Variants in CNTN5 observed in about 807,000 individuals in gnomAD.
CNTN5 encodes contactin 5.
CNTN5 carries 77 observed loss-of-function variants against 129.1 expected under a neutral mutation model. The ratio of observed to expected loss-of-function variants is 0.60; its 90% CI spans 0.50 to 0.72. CNTN5 has a LOEUF of 0.72. CNTN5 is among the 30% of genes least tolerant of loss of function. The pLI is 0.00. For missense variants in CNTN5, 1,478 were observed against 1,328.8 expected, an observed-to-expected ratio of 1.11 and a Z score of -1.75; for synonymous variants, 509 against 465.6, an observed-to-expected ratio of 1.09 and a Z score of -1.20.
chr11:99,642,282 T>C (rs1434416030), intron 3 of CNTN5, among the ~76,000 whole-genome samples: 1 of 152,214 alleles, frequency 6.6e-6, no homozygotes, highest in East Asian at 1.9e-4. Flanking sequence ...TGTCACTGAT[T>C]CTACAGTGGT....
rs186719082 is a variant in CNTN5 at position 100,012,622 on chromosome 11, G to A, written c.980+10486G>A. 3.3e-5 allele frequency among the ~76,000 whole-genome samples: 5 copies of A among 152,196 alleles called. No individual in the cohort carries two copies. The East Asian group carries it at 9.7e-4, about 29-fold the overall frequency. On this transcript the variant is annotated intron_variant, in intron 9 of 24. Coordinates refer to ENST00000524871, the MANE Select transcript of CNTN5 (RefSeq NM_014361.4). Reference sequence around the variant, plus strand: ...GAGAGAAACTGTATACATGTGCAAGGCCAAACAGCTAATGTGTGTGGCCTA... The same window carrying A: ...GAGAGAAACTGTATACATGTGCAAGACCAAACAGCTAATGTGTGTGGCCTA...
At position 99,880,930 on chromosome 11, in the gene CNTN5, T is replaced by C. The variant is rs138088936; in HGVS notation, c.578-35124T>C. Among the ~76,000 whole-genome samples, 607 of 152,264 alleles carry C rather than the reference T, an allele frequency of 4.0e-3. 3 individuals are homozygous for C. The highest frequency in any genetic ancestry group is 0.014 in the African/African-American group (581 of 41,552). On this transcript the variant is annotated intron_variant, in intron 6 of 24. Transcript: ENST00000524871. ...TTAAAAAAATTGTCTCTCTTTGAAATAAAACTTATAAAGTGTACCTAAAAA... is the reference window on the plus strand; with the variant it reads ...TTAAAAAAATTGTCTCTCTTTGAAACAAAACTTATAAAGTGTACCTAAAAA...
chr11:99,208,716 T>A (rs930568262), intron 1 of CNTN5, among the ~76,000 whole-genome samples: 4 of 152,126 alleles, frequency 2.6e-5, no homozygotes, highest in Non-Finnish European at 5.9e-5. Context: ...GGAAGTGGGA[T>A]TCAAACACAA....
chr11:99,268,638 A>G (rs1400292151), intron 1 of CNTN5, among the ~76,000 whole-genome samples: 2 of 151,996 alleles, frequency 1.3e-5, no homozygotes, highest in Non-Finnish European at 2.9e-5. Context: ...GGTAGTATAC[A>G]TAATCAGTGA....
At chr11:99,275,202 A>T (rs1863370255) in intron 1 of CNTN5, among the ~76,000 whole-genome samples, 2 of 151,428 alleles carry the variant, frequency 1.3e-5, no homozygotes, top group Admixed American at 1.3e-4. Flanking sequence ...ATATATAAAA[A>T]AAAACTCAAT....
intron 3 of CNTN5, among the ~76,000 whole-genome samples, chr11:99,767,777 A>G (rs1944805376): frequency 6.6e-6 from 1 of 152,112 alleles, no homozygotes; most frequent in South Asian, 2.1e-4. Flanking sequence ...TACAGCAAAT[A>G]AAGACTACAT....
intron 1 of CNTN5, among the ~76,000 whole-genome samples, chr11:99,189,363 G>A (rs1332571634): frequency 2.6e-5 from 4 of 151,608 alleles, no homozygotes; most frequent in Non-Finnish European, 5.9e-5. Flanking sequence ...TGGGAGTGAA[G>A]ATATGTCTTC....
At chr11:100,173,125 G>A (rs1947871175) in intron 13 of CNTN5, among the ~76,000 whole-genome samples, 1 of 152,090 alleles carries the variant, frequency 6.6e-6, no homozygotes, top group African/African-American at 2.4e-5. Context: ...AAATCAGACA[G>A]CTCCTCCAGA....
chr11:99,519,267 A>C (rs1947179863), intron 2 of CNTN5, among the ~76,000 whole-genome samples: 1 of 151,992 alleles, frequency 6.6e-6, no homozygotes, highest in African/African-American at 2.4e-5. Flanking sequence ...TCTTTATAGA[A>C]GCCCTCTTTG....
At chr11:99,969,665 G>A (rs1262945548) in intron 8 of CNTN5, among the ~76,000 whole-genome samples, 1 of 152,090 alleles carries the variant, frequency 6.6e-6, no homozygotes, top group Non-Finnish European at 1.5e-5. Flanking sequence ...CATGTACAAA[G>A]CTGCAAATAT....
At chr11:100,337,236 G>T (rs1381640767) in intron 21 of CNTN5, 2 of 1,538,536 alleles carry the variant, frequency 1.3e-6, no homozygotes, top group Non-Finnish European at 1.8e-6. Context: ...ATGTGAAAGT[G>T]GCAGGCCACC....
chr11:100,337,584 A>G, intron 21 of CNTN5: 2 of 739,742 alleles, frequency 2.7e-6, no homozygotes, highest in Non-Finnish European at 5.0e-6. Flanking sequence ...CGTCTATTCT[A>G]CTGTGGAGGA....
At chr11:99,920,893 G>A (rs966116866) in intron 7 of CNTN5, among the ~76,000 whole-genome samples, 6 of 152,276 alleles carry the variant, frequency 3.9e-5, no homozygotes, top group South Asian at 2.1e-4. Flanking sequence ...ATAGAAGGTG[G>A]TATTTGGAGA....
chr11:99,727,596 CT>C (rs1401658235), intron 3 of CNTN5, among the ~76,000 whole-genome samples: 1 of 94,486 alleles, frequency 1.1e-5, no homozygotes, highest in African/African-American at 4.5e-5. Context: ...TACTATTGTC[CT>C]TTAATGAAAA....
chr11:99,230,073 T>C (rs1022965329), intron 1 of CNTN5, among the ~76,000 whole-genome samples: 20 of 152,132 alleles, frequency 1.3e-4, no homozygotes, highest in African/African-American at 4.6e-4. Flanking sequence ...TTGATTTCTG[T>C]CTGGAATAAA....
chr11:99,931,418 G>T (rs1339002058), intron 7 of CNTN5, among the ~76,000 whole-genome samples: 1 of 152,134 alleles, frequency 6.6e-6, no homozygotes, highest in Admixed American at 6.6e-5. Context: ...TTAGAACACT[G>T]CAATAACCTT....
At chr11:99,128,620 T>C (rs752247250) in intron 1 of CNTN5, among the ~76,000 whole-genome samples, 4 of 152,122 alleles carry the variant, frequency 2.6e-5, no homozygotes, top group Non-Finnish European at 5.9e-5. Flanking sequence ...TGCTAAAAGA[T>C]ATACAAACTA....
At chr11:100,235,365 G>A (rs915324814) in intron 16 of CNTN5, among the ~76,000 whole-genome samples, 6 of 152,130 alleles carry the variant, frequency 3.9e-5, no homozygotes, top group African/African-American at 9.7e-5. Flanking sequence ...AAAGGAGCAG[G>A]CCTTCTGAAA....
intron 2 of CNTN5, among the ~76,000 whole-genome samples, chr11:99,439,746 T>C (rs376585779): frequency 6.7e-6 from 1 of 148,230 alleles, no homozygotes; most frequent in East Asian, 2.0e-4. Flanking sequence ...AAAAGAAATA[T>C]CACAAATTTG....
Sources: gnomAD v4.1 joint callset for allele counts (sites outside exome capture counted in the v4.1 genomes callset) on GRCh38, gnomAD v4.1.1 for gene constraint, MANE v1.5 for transcripts, NCBI Gene and HGNC (gene_info 2026-07-23, HGNC 2026-07-21) for gene names.